Variants in AGBL3 observed in about 807,000 individuals in gnomAD.
AGBL3 encodes the protein AGBL carboxypeptidase 3, also known as cytosolic carboxypeptidase 3.
A neutral mutation model predicts 94.5 loss-of-function variants in AGBL3; 68 were observed. That is an observed-to-expected ratio of 0.72 (90% CI 0.59 to 0.88). The LOEUF (loss-of-function observed/expected upper bound fraction) is 0.88, where lower values mean the gene tolerates loss of function less well. AGBL3 is among the 40% of genes least tolerant of loss of function. The pLI, the probability that AGBL3 is intolerant of heterozygous loss-of-function variation, is 0.00. For missense variants in AGBL3, 934 were observed against 1,103.8 expected, an observed-to-expected ratio of 0.85 and a Z score of 2.18; for synonymous variants, 354 against 370.7, an observed-to-expected ratio of 0.95 and a Z score of 0.52.
intron 15 of AGBL3, 59 bp from the exon 16 acceptor site, chr7:135,115,321 A>C: frequency 8.8e-7 from 1 of 1,139,884 alleles, no homozygotes; most frequent in South Asian, 1.6e-5. Context: ...AATAATGCCC[A>C]ATAAGTAATT....
intron 2 of AGBL3, among the ~76,000 whole-genome samples, chr7:134,988,989 A>AGATT (rs10603644): frequency 0.068 from 10,376 of 152,146 alleles, 1,129 homozygotes; most frequent in African/African-American, 0.23. Flanking sequence ...GAATCTTTAA[A>AGATT]CTTTATTCCT....
chr7:135,046,059 G>A, intron 11 of AGBL3, 148 bp downstream of exon 11: 1 of 615,742 alleles, frequency 1.6e-6, no homozygotes. Flanking sequence ...ATTTTGGCCA[G>A]ACTTCATTAA....
At chr7:135,123,666 G>A (rs1827456061) in intron 16 of AGBL3, among the ~76,000 whole-genome samples, 1 of 152,082 alleles carries the variant, frequency 6.6e-6, no homozygotes, top group African/African-American at 2.4e-5. Flanking sequence ...ATCTACAAAG[G>A]GAAGCCCATC....
Position 135,076,387 on chromosome 7 carries a change from CT to C in AGBL3, c.1909-6del. ...TTAAATATTGATTTTAAGTATGATT[CT>C]TTTACTAGAAAAAACATTTGAAAAC... On this transcript the variant is annotated splice_polypyrimidine_tract_variant and intron_variant, in intron 12 of 16. Transcript: ENST00000436302. 6.6e-7 allele frequency: 1 copy of C among 1,518,642 alleles called. No individual in the cohort carries two copies. The highest frequency in any genetic ancestry group is 8.9e-7 in the Non-Finnish European group (1 of 1,118,412). The allele number at this position is 1,518,642 out of a possible 1,614,324, so 94.1% of individuals were successfully genotyped here. A position where few individuals can be genotyped will look rare whatever the true frequency, so the allele number is the denominator to read the frequency against.
intron 5 of AGBL3, among the ~76,000 whole-genome samples, chr7:135,019,194 A>T (rs1192874169): frequency 6.6e-6 from 1 of 152,232 alleles, no homozygotes; most frequent in Non-Finnish European, 1.5e-5. Flanking sequence ...ACTCCATCAT[A>T]TAACTATACC....
intron 4 of AGBL3, chr7:135,010,022 C>CTTTT: frequency 2.1e-5 from 8 of 389,376 alleles, no homozygotes; most frequent in Admixed American, 6.5e-5. Flanking sequence ...GAGGATGACA[C>CTTTT]TTTTTTTTTT....
At chr7:135,125,982 A>G (rs1827818907) in intron 16 of AGBL3, among the ~76,000 whole-genome samples, 1 of 152,216 alleles carries the variant, frequency 6.6e-6, no homozygotes, top group South Asian at 2.1e-4. Context: ...GAAAACCAGT[A>G]CAAGACAAGG....
At chr7:135,029,908 G>A (rs1248111874) in intron 5 of AGBL3, among the ~76,000 whole-genome samples, 1 of 152,126 alleles carries the variant, frequency 6.6e-6, no homozygotes, top group East Asian at 1.9e-4. Flanking sequence ...GAGAAAGATG[G>A]GGGAATGGGT....
chr7:135,111,629 T>C (rs1825652273), intron 15 of AGBL3, among the ~76,000 whole-genome samples: 1 of 152,062 alleles, frequency 6.6e-6, no homozygotes, highest in South Asian at 2.1e-4. Flanking sequence ...GCTCAATGAA[T>C]ATCTGAGTGT....
intron 12 of AGBL3, among the ~76,000 whole-genome samples, chr7:135,066,768 T>G (rs892635793): frequency 1.3e-5 from 2 of 152,152 alleles, no homozygotes; most frequent in African/African-American, 4.8e-5. Context: ...AGAGCCAAGA[T>G]GGCCGAACAG....
At chr7:135,104,040 T>C (rs1306327517) in intron 15 of AGBL3, among the ~76,000 whole-genome samples, 1 of 152,146 alleles carries the variant, frequency 6.6e-6, no homozygotes, top group Non-Finnish European at 1.5e-5. Flanking sequence ...ACCCAATAGA[T>C]ACTTTTTCTG....
chr7:135,052,180 A>C (rs1476922487), intron 11 of AGBL3, among the ~76,000 whole-genome samples: 1 of 152,186 alleles, frequency 6.6e-6, no homozygotes. Flanking sequence ...TTACTTCAAA[A>C]ATATGAGTGA....
At chr7:134,992,499 T>G (rs536513923) in intron 3 of AGBL3, among the ~76,000 whole-genome samples, 1 of 152,360 alleles carries the variant, frequency 6.6e-6, no homozygotes, top group African/African-American at 2.4e-5. Context: ...CAGTGTAAGC[T>G]CATGATGGCA....
intron 5 of AGBL3, among the ~76,000 whole-genome samples, chr7:135,020,661 A>G (rs1054665459): frequency 6.6e-6 from 1 of 152,154 alleles, no homozygotes; most frequent in African/African-American, 2.4e-5. Flanking sequence ...AACCAACCCA[A>G]ATGTCCATCA....
chr7:135,133,597 C>A (rs1268764427), intron 16 of AGBL3, among the ~76,000 whole-genome samples: 1 of 152,080 alleles, frequency 6.6e-6, no homozygotes, highest in Admixed American at 6.6e-5. Flanking sequence ...GGAACTGAGG[C>A]AAAAACCAAG....
chr7:135,081,610 G>A lies in AGBL3; in HGVS notation c.2039-109G>A, dbSNP rs192513182. On this transcript the variant is annotated intron_variant, in intron 14 of 16. Coordinates refer to ENST00000436302, the MANE Select transcript of AGBL3 (RefSeq NM_178563.4). ...TTTAATTTCATTGAACTAAACTACT[G>A]TCTACAAGTTATTTACTAGCATTTT... The A allele has an allele frequency of 2.2e-5, 14 of 650,146 alleles. No individual in the cohort carries two copies. In the Admixed American group the frequency reaches 3.6e-4, roughly 17 times the overall value. 40.3% of individuals were successfully genotyped at this position (650,146 alleles called of 1,614,324 possible). A position where few individuals can be genotyped will look rare whatever the true frequency, so the allele number is the denominator to read the frequency against.
intron 4 of AGBL3, among the ~76,000 whole-genome samples, chr7:135,001,362 A>T (rs1161689140): frequency 6.6e-6 from 1 of 152,100 alleles, no homozygotes; most frequent in Non-Finnish European, 1.5e-5. Context: ...CATGTCCCCA[A>T]ACAAGGATCA....
At chr7:134,989,634 C>T (rs889257449) in intron 3 of AGBL3, among the ~76,000 whole-genome samples, 7 of 152,090 alleles carry the variant, frequency 4.6e-5, no homozygotes, top group Admixed American at 6.6e-5. Context: ...TTCATTTAAA[C>T]GAAGTACATT....
intron 5 of AGBL3, among the ~76,000 whole-genome samples, chr7:135,021,329 T>C (rs1814423513): frequency 6.6e-6 from 1 of 151,626 alleles, no homozygotes; most frequent in Non-Finnish European, 1.5e-5. Flanking sequence ...TCTCGCTCTG[T>C]TACCCAGGCT....
Sources: allele counts gnomAD v4.1 joint callset (sites outside exome capture counted in the v4.1 genomes callset), GRCh38; gene constraint gnomAD v4.1.1; transcripts MANE v1.5; gene names NCBI Gene and HGNC (gene_info 2026-07-23, HGNC 2026-07-21).